REEP1: variants seen among roughly 807,000 people sequenced by gnomAD.
REEP1 encodes the protein receptor accessory protein 1.
Under a neutral mutation model 40.3 loss-of-function variants are expected in REEP1, and 22 were observed. The ratio of observed to expected loss-of-function variants is 0.55; its 90% CI spans 0.39 to 0.78. The LOEUF is 0.78. Ranked by LOEUF, REEP1 falls within the 30% of genes least tolerant of loss-of-function variation. The pLI, the probability that REEP1 is intolerant of heterozygous loss-of-function variation, is 0.00. For synonymous variants in REEP1, 116 were observed against 139.2 expected (o/e 0.83, Z 1.17); for missense variants, 280 against 361.1 (o/e 0.78, Z 1.82).
intron 1 of REEP1, among the ~76,000 whole-genome samples, chr2:86,286,036 C>T (rs55877531): frequency 0.042 from 6,318 of 152,090 alleles, 459 homozygotes; most frequent in African/African-American, 0.14. Flanking sequence ...TCTCTTCCCC[C>T]CACTGTCATT....
intron 1 of REEP1, among the ~76,000 whole-genome samples, chr2:86,301,970 A>C (rs1018552266): frequency 6.6e-6 from 1 of 152,222 alleles, no homozygotes; most frequent in African/African-American, 2.4e-5. Flanking sequence ...CCACCATGAC[A>C]GCAACAAATG....
At chr2:86,313,063 T>C (rs1383014242) in intron 1 of REEP1, among the ~76,000 whole-genome samples, 1 of 152,098 alleles carries the variant, frequency 6.6e-6, no homozygotes, top group African/African-American at 2.4e-5. Context: ...ACAGAGCAAG[T>C]TTATATCACA....
intron 7 of REEP1, among the ~76,000 whole-genome samples, chr2:86,225,403 C>T (rs1466074169): frequency 6.6e-6 from 1 of 152,214 alleles, no homozygotes; most frequent in African/African-American, 2.4e-5. Context: ...TCTCGAGTAG[C>T]TGGGATTACA....
At chr2:86,293,464 AG>A (rs1344756540) in intron 1 of REEP1, among the ~76,000 whole-genome samples, 1 of 152,210 alleles carries the variant, frequency 6.6e-6, no homozygotes, top group Admixed American at 6.5e-5. Context: ...AGGGGCATGG[AG>A]GAAGTTTTGG....
At chr2:86,255,286 C>A (rs1327913637) in intron 3 of REEP1, among the ~76,000 whole-genome samples, 1 of 152,254 alleles carries the variant, frequency 6.6e-6, no homozygotes, top group African/African-American at 2.4e-5. Context: ...AATCTCTAGA[C>A]TGAGAATGAA....
rs147966032 is a variant in REEP1, at chr2:86,288,584, T to C, written c.33-6342A>G. Among the ~76,000 whole-genome samples, 219 of 152,348 alleles carry C rather than the reference T, an allele frequency of 1.4e-3. 1 individual carries two copies. Among genetic ancestry groups the C allele is most frequent in the African/African-American group, 5.0e-3 (208 of 41,588 alleles). ...AACAGGGCTGTGATGAACATTATTA[T>C]ACATGTCTCCTTGGGCACATTTGAG... is the stretch of plus-strand genomic sequence containing the variant. On this transcript the variant is annotated intron_variant, in intron 1 of 8. Coordinates refer to ENST00000538924, the MANE Select transcript of REEP1 (RefSeq NM_001371279.1).
At chr2:86,337,915 CG>C (rs1179803591), upstream of REEP1, 4 of 1,105,590 alleles carry the variant, frequency 3.6e-6, no homozygotes, top group Admixed American at 4.1e-5. The surrounding 1 kb of genome is among the most constrained non-coding windows in gnomAD (Gnocchi z 5.8). Flanking sequence ...AGCGTTCCAG[CG>C]GAGAAACTGA....
At chr2:86,281,330 C>T (rs530866078) in intron 2 of REEP1, among the ~76,000 whole-genome samples, 1 of 152,286 alleles carries the variant, frequency 6.6e-6, no homozygotes, top group East Asian at 1.9e-4. Context: ...CTGCAATGTG[C>T]TACAGGAAAC....
In REEP1 at chr2:86,291,177, C is replaced by T. The variant is rs371466033; in HGVS notation, c.33-8935G>A. 4.6e-5 allele frequency among the ~76,000 whole-genome samples: 7 copies of T among 152,310 alleles called. No individual in the cohort carries two copies. The East Asian group carries it at 1.3e-3, about 29-fold the overall frequency. Reference sequence around the variant, plus strand: ...CTCACTGCTATGACACACTGCCTTCCTGACTCTGCAGTACATGGCTGAGAG... The same window carrying T: ...CTCACTGCTATGACACACTGCCTTCTTGACTCTGCAGTACATGGCTGAGAG... On this transcript the variant is annotated intron_variant, in intron 1 of 8. Coordinates refer to ENST00000538924, the MANE Select transcript of REEP1 (RefSeq NM_001371279.1).
At chr2:86,225,126 C>T (rs1416837518) in intron 7 of REEP1, among the ~76,000 whole-genome samples, 2 of 152,202 alleles carry the variant, frequency 1.3e-5, no homozygotes, top group Non-Finnish European at 2.9e-5. Flanking sequence ...AACAGCTGAA[C>T]GCAGCCCCTT....
At chr2:86,281,823 T>C (rs1678110522) in intron 2 of REEP1, among the ~76,000 whole-genome samples, 1 of 152,162 alleles carries the variant, frequency 6.6e-6, no homozygotes. Context: ...GGACTTTTTC[T>C]CCATCACGGT....
intron 1 of REEP1, among the ~76,000 whole-genome samples, chr2:86,283,916 G>A (rs996529480): frequency 6.6e-6 from 1 of 152,136 alleles, no homozygotes; most frequent in Non-Finnish European, 1.5e-5. Flanking sequence ...CTACCTTGGG[G>A]AGCAGCCCAC....
chr2:86,294,521 T>A (rs984900015), intron 1 of REEP1, among the ~76,000 whole-genome samples: 2 of 152,198 alleles, frequency 1.3e-5, no homozygotes, highest in African/African-American at 4.8e-5. Flanking sequence ...GATGCGACAA[T>A]GCTATTTTGT....
rs534340526 is a variant in REEP1 at position 86,280,138 on chromosome 2, G to A, written c.105+2032C>T. On this transcript the variant is annotated intron_variant, in intron 2 of 8. Transcript: ENST00000538924. Reference sequence around the variant, plus strand: ...GGTTTCTCTCTTGAACAAAATGGGCGCATTAGTCGAAAGGACTGCAGGAAG... The same window carrying A: ...GGTTTCTCTCTTGAACAAAATGGGCACATTAGTCGAAAGGACTGCAGGAAG... 410 of 435,624 alleles carry A rather than the reference G, an allele frequency of 9.4e-4. 3 individuals carry two copies. Among genetic ancestry groups the A allele is most frequent in the Middle Eastern group, 5.4e-3 (16 of 2,940 alleles). The allele number at this position is 435,624 out of a possible 1,614,324, so 27.0% of individuals were successfully genotyped here. A position where few individuals can be genotyped will look rare whatever the true frequency, so the allele number is the denominator to read the frequency against.
At chr2:86,290,000 CT>C (rs965209071) in intron 1 of REEP1, among the ~76,000 whole-genome samples, 1 of 151,982 alleles carries the variant, frequency 6.6e-6, no homozygotes, top group South Asian at 2.1e-4. Flanking sequence ...CTCTTTCTTT[CT>C]TTTTTTGTTT....
chr2:86,273,973 T>A (rs981921356), intron 2 of REEP1, among the ~76,000 whole-genome samples: 1 of 152,242 alleles, frequency 6.6e-6, no homozygotes, highest in African/African-American at 2.4e-5. Flanking sequence ...TGAGTATGTT[T>A]CAAATGACCG....
chr2:86,273,568 G>T (rs1677582499), intron 2 of REEP1, among the ~76,000 whole-genome samples: 1 of 151,912 alleles, frequency 6.6e-6, no homozygotes, highest in Non-Finnish European at 1.5e-5. Flanking sequence ...TTACAGGCTT[G>T]ATCCACCACA....
At chr2:86,245,710 C>T (rs57978399) in intron 5 of REEP1, among the ~76,000 whole-genome samples, 3 of 152,078 alleles carry the variant, frequency 2.0e-5, no homozygotes, top group South Asian at 2.1e-4. Context: ...TTGTCGCCAC[C>T]GGACTTCAGC....
At chr2:86,232,831 C>G in intron 5 of REEP1, 29 bp from the exon 6 acceptor site, 1 of 1,593,834 alleles carries the variant, frequency 6.3e-7, no homozygotes, top group Non-Finnish European at 8.5e-7. Context: ...GGGCACACGT[C>G]AGAGGTCCTG....
Sources: gnomAD v4.1 joint callset for allele counts (sites outside exome capture counted in the v4.1 genomes callset) on GRCh38, gnomAD v4.1.1 for gene constraint, Gnocchi (gnomAD v3.1) non-coding constraint, MANE v1.5 for transcripts, NCBI Gene and HGNC (gene_info 2026-07-23, HGNC 2026-07-21) for gene names.